ROS1: variants seen among roughly 807,000 people sequenced by gnomAD.
The protein encoded by ROS1 is ROS proto-oncogene 1, receptor tyrosine kinase, also known as proto-oncogene tyrosine-protein kinase ROS.
In ROS1, 263 loss-of-function variants were observed where a neutral mutation model predicts 273.5. The ratio of observed to expected loss-of-function variants is 0.96; its 90% CI spans 0.87 to 1.06. The LOEUF is 1.06. ROS1 is among the 50% of genes least tolerant of loss of function. The pLI is 0.00. For synonymous variants in ROS1, 1,008 were observed against 954.1 expected (o/e 1.06, Z -1.04); for missense variants, 2,833 against 2,751.1 (o/e 1.03, Z -0.67).
chr6:117,342,390 C>T lies in ROS1; in HGVS notation c.4651+10G>A, dbSNP rs1310990799. 2 of 1,610,806 alleles carry T rather than the reference C, an allele frequency of 1.2e-6. No individual in the cohort carries two copies. The highest frequency in any genetic ancestry group is 1.7e-6 in the Non-Finnish European group (2 of 1,178,220). On this transcript the variant is annotated intron_variant, in intron 29 of 43. Coordinates refer to ENST00000368507, the MANE Select transcript of ROS1 (RefSeq NM_001378902.1). ...CTGCTTGAGAAACCCACAACAAGCC[C>T]ATAACTTACCTCCATTTTTAGTTTT...
chr6:117,343,470 T>C (rs1260578323), intron 28 of ROS1, among the ~76,000 whole-genome samples: 1 of 152,164 alleles, frequency 6.6e-6, no homozygotes, highest in Non-Finnish European at 1.5e-5. Context: ...TTTCATCATT[T>C]CAATGATTGA....
chr6:117,389,325 A>C (rs1303075518), intron 13 of ROS1, 25 bp downstream of exon 13: 1 of 1,578,834 alleles, frequency 6.3e-7, no homozygotes, highest in African/African-American at 1.4e-5. Context: ...AAGGCCAGTA[A>C]CCACACTGGG....
At chr6:117,330,600 G>A (rs1777009004) in intron 32 of ROS1, among the ~76,000 whole-genome samples, 1 of 152,172 alleles carries the variant, frequency 6.6e-6, no homozygotes, top group Admixed American at 6.5e-5. Flanking sequence ...TGAAGTCAGA[G>A]GTCCCAGAAG....
At chr6:117,404,940 A>C (rs927238665) in intron 5 of ROS1, among the ~76,000 whole-genome samples, 1 of 152,210 alleles carries the variant, frequency 6.6e-6, no homozygotes, top group African/African-American at 2.4e-5. Flanking sequence ...TGGCTGTTTC[A>C]CATTATAAAA....
chr6:117,365,541 T>C, intron 20 of ROS1, 40 bp downstream of exon 20: 1 of 1,557,412 alleles, frequency 6.4e-7, no homozygotes, highest in Non-Finnish European at 8.9e-7. Context: ...GATGGTACAG[T>C]CTGTTTGGGA....
At chr6:117,313,896 A>G (rs1054639183) in intron 39 of ROS1, among the ~76,000 whole-genome samples, 4 of 152,082 alleles carry the variant, frequency 2.6e-5, no homozygotes, top group Non-Finnish European at 5.9e-5. Context: ...TTCAGCACCT[A>G]ACGATGTCTC....
intron 32 of ROS1, among the ~76,000 whole-genome samples, chr6:117,332,433 C>A (rs1364623767): frequency 6.6e-6 from 1 of 152,162 alleles, no homozygotes; most frequent in African/African-American, 2.4e-5. Context: ...TTAGACAGAT[C>A]AACAAGACAG....
Position 117,362,768 on chromosome 6 carries a change from AG to A in ROS1, c.3200del (p.Pro1067LeufsTer8), listed in dbSNP as rs766543075. On this transcript the variant is annotated frameshift_variant, in exon 22 of 44. Transcript: ENST00000368507. LOFTEE classifies it high-confidence loss of function. ...EVVVEFRWNK[P>X]KHENGVLTKF... ...TTGTTAACACCCCATTTTCATGCTT[AG>A]GTTTGTTCCACCTAAATTCCACCAC... The A allele has an allele frequency of 7.4e-6, 12 of 1,613,782 alleles. No homozygotes were observed. The South Asian group carries it at 1.3e-4, about 18-fold the overall frequency.
intron 3 of ROS1, among the ~76,000 whole-genome samples, 181 bp downstream of exon 3, chr6:117,416,077 T>C (rs1036876017): frequency 2.6e-5 from 4 of 152,210 alleles, no homozygotes; most frequent in Non-Finnish European, 5.9e-5. Context: ...AATGTTAATC[T>C]CAATCTCTTT....
At position 117,389,645 on chromosome 6, in the gene ROS1, A is replaced by G; in HGVS notation, c.1491T>C (p.His497=). ...CAAAGGGGATGCGAGGTAGGATGAG[A>G]TGGGAAGCAGAGCCATCCAGAAATG... The part of the protein sequence containing the change: ...MSTFLDGSAS[H]LILPRIPFAD... Residue 497 remains histidine, a synonymous_variant, in exon 13 of 44, where the codon CAT becomes CAC. Coordinates refer to ENST00000368507, the MANE Select transcript of ROS1 (RefSeq NM_001378902.1). The G allele has an allele frequency of 6.2e-7, 1 of 1,614,224 alleles. No individual in the cohort carries two copies. Among genetic ancestry groups the G allele is most frequent in the Admixed American group, 1.7e-5 (1 of 60,028 alleles).
At chr6:117,403,365 G>T in intron 6 of ROS1, 88 bp from the exon 7 acceptor site, 1 of 1,296,532 alleles carries the variant, frequency 7.7e-7, no homozygotes, top group Non-Finnish European at 1.1e-6. Flanking sequence ...GTAGAAGATG[G>T]ATGGCTCAAC....
intron 25 of ROS1, 94 bp downstream of exon 25, chr6:117,357,710 C>T: frequency 2.4e-6 from 2 of 828,466 alleles, no homozygotes; most frequent in Non-Finnish European, 3.7e-6. Context: ...CTTATTTTTC[C>T]ATAATTGTCT....
chr6:117,365,213 T>G lies in ROS1; in HGVS notation c.2959-9A>C, dbSNP rs1338679088. ...TGTTCACTAGCCAAGAACTAAAATATAAACAGAAAACATTATTTTCTCAGG... is the reference window on the plus strand; with the variant it reads ...TGTTCACTAGCCAAGAACTAAAATAGAAACAGAAAACATTATTTTCTCAGG... On this transcript the variant is annotated splice_polypyrimidine_tract_variant and intron_variant, in intron 20 of 43. Transcript: ENST00000368507. 3.8e-6 allele frequency: 6 copies of G among 1,573,110 alleles called. No individual in the cohort carries two copies. The highest frequency in any genetic ancestry group is 5.2e-6 in the Non-Finnish European group (6 of 1,158,696).
At chr6:117,412,506 G>A (rs950625451) in intron 4 of ROS1, among the ~76,000 whole-genome samples, 5 of 152,160 alleles carry the variant, frequency 3.3e-5, no homozygotes, top group African/African-American at 9.6e-5. Context: ...AAAATGACAA[G>A]CTTCCTACGT....
Position 117,344,097 on chromosome 6 carries a change from T to C in ROS1, c.4469A>G (p.Asp1490Gly). 1 of 1,613,988 alleles carries C rather than the reference T, an allele frequency of 6.2e-7. No homozygotes were observed. The highest frequency in any genetic ancestry group is 8.5e-7 in the Non-Finnish European group (1 of 1,179,914). ...TTTCAAGTCAGAGCTGTTTTTCCTG[T>C]CATTAACTTCTGCATAATAAACCAG... ...TYLVYYAEVN[D>G]RKNSSDLKYR... Residue 1490 changes from aspartate (D) to glycine (G), a missense_variant, in exon 28 of 44, where the codon GAC (aspartate) becomes GGC (glycine). Coordinates refer to ENST00000368507, the MANE Select transcript of ROS1 (RefSeq NM_001378902.1).
intron 7 of ROS1, among the ~76,000 whole-genome samples, chr6:117,399,549 T>A (rs74958664): frequency 3.9e-5 from 6 of 152,196 alleles, no homozygotes; most frequent in African/African-American, 1.4e-4. Context: ...TAGTTCAGCC[T>A]GAGGCTCTCT....
chr6:117,300,855 A>G, intron 43 of ROS1, 119 bp downstream of exon 43: 1 of 615,702 alleles, frequency 1.6e-6, no homozygotes, highest in Non-Finnish European at 2.6e-6. Flanking sequence ...ATGATGACAA[A>G]GGTGCCAGTA....
In ROS1 at chr6:117,416,678, C is replaced by T. The variant is rs1775361484; in HGVS notation, c.169-361G>A. Among the ~76,000 whole-genome samples the T allele has an allele frequency of 2.0e-5, 3 of 152,076 alleles. No individual in the cohort carries two copies. In the South Asian group the frequency reaches 6.2e-4, roughly 32 times the overall value. ...ATGTGGCATTGGTATATCCTGGGTC[C>T]CTAAGGTGTCCTCACATATCAAGCA... On this transcript the variant is annotated intron_variant, in intron 2 of 43. Coordinates refer to ENST00000368507, the MANE Select transcript of ROS1 (RefSeq NM_001378902.1).
chr6:117,390,721 A>G (rs1315153528), intron 12 of ROS1, among the ~76,000 whole-genome samples: 1 of 152,154 alleles, frequency 6.6e-6, no homozygotes, highest in Non-Finnish European at 1.5e-5. Flanking sequence ...CATTTTATAA[A>G]CCACAAAGAA....
Sources: allele counts gnomAD v4.1 joint callset (sites outside exome capture counted in the v4.1 genomes callset), GRCh38; gene constraint gnomAD v4.1.1; transcripts MANE v1.5; gene names NCBI Gene and HGNC (gene_info 2026-07-23, HGNC 2026-07-21).